The following DPP10 variants were observed in gnomAD, a reference collection of about 807,000 sequenced individuals.
DPP10 encodes the protein inactive dipeptidyl peptidase 10.
DPP10 carries 33 observed loss-of-function variants against 120.9 expected under a neutral mutation model. The observed-to-expected ratio is 0.27, with a 90% CI of 0.21 to 0.37. The LOEUF is 0.37. DPP10 is among the 10% of genes least tolerant of loss of function. The pLI, the probability that DPP10 is intolerant of heterozygous loss-of-function variation, is 1.00. For synonymous variants in DPP10, 337 were observed against 326.1 expected, an observed-to-expected ratio of 1.03 and a Z score of -0.36; for missense variants, 816 against 942.8, an observed-to-expected ratio of 0.87 and a Z score of 1.76.
intron 1 of DPP10, among the ~76,000 whole-genome samples, chr2:114,557,167 T>C (rs1459114883): frequency 1.3e-5 from 2 of 152,112 alleles, no homozygotes; most frequent in Non-Finnish European, 2.9e-5. Context: ...TTCTCTCTAG[T>C]AGTAGTCCCT....
chr2:115,707,174 C>T (rs1455828180), intron 7 of DPP10, among the ~76,000 whole-genome samples: 1 of 151,758 alleles, frequency 6.6e-6, no homozygotes, highest in Non-Finnish European at 1.5e-5. Context: ...CAACATTTCT[C>T]TTACAGTAAA....
At chr2:115,510,234 A>G (rs556594530) in intron 4 of DPP10, among the ~76,000 whole-genome samples, 2 of 152,174 alleles carry the variant, frequency 1.3e-5, no homozygotes, top group South Asian at 4.1e-4. Flanking sequence ...TTTTCTATAC[A>G]TTGTTAATTT....
chr2:114,477,981 A>G (rs935264624), intron 1 of DPP10, among the ~76,000 whole-genome samples: 2 of 151,372 alleles, frequency 1.3e-5, no homozygotes, highest in Non-Finnish European at 2.9e-5. Flanking sequence ...ATGTGTATAT[A>G]TGTACATATA....
chr2:115,704,415 CACTA>C (rs1389548960), intron 7 of DPP10, among the ~76,000 whole-genome samples: 2 of 151,766 alleles, frequency 1.3e-5, no homozygotes, highest in Non-Finnish European at 2.9e-5. Flanking sequence ...TATCTTCTAC[CACTA>C]ACTGAGGGGG....
intron 3 of DPP10, among the ~76,000 whole-genome samples, chr2:115,401,910 C>T (rs954054135): frequency 6.6e-6 from 1 of 151,634 alleles, no homozygotes; most frequent in Non-Finnish European, 1.5e-5. Flanking sequence ...AAAAAAAATT[C>T]AAAACATCTA....
intron 1 of DPP10, among the ~76,000 whole-genome samples, chr2:114,529,449 A>G (rs1685775248): frequency 1.3e-5 from 2 of 152,106 alleles, no homozygotes; most frequent in African/African-American, 4.8e-5. Flanking sequence ...AAATAGCTCT[A>G]ATGTGGCCCA....
intron 1 of DPP10, among the ~76,000 whole-genome samples, chr2:115,141,703 A>G (rs2050935391): frequency 6.6e-6 from 1 of 152,226 alleles, no homozygotes; most frequent in South Asian, 2.1e-4. Flanking sequence ...TCTTATATAC[A>G]GGTGTATTCT....
chr2:115,461,457 A>G (rs772835128), intron 3 of DPP10, among the ~76,000 whole-genome samples: 7 of 152,210 alleles, frequency 4.6e-5, no homozygotes, highest in Non-Finnish European at 8.8e-5. Flanking sequence ...TTCATACAAC[A>G]TGGTGACTAT....
chr2:115,413,554 A>G (rs971505492), intron 3 of DPP10, among the ~76,000 whole-genome samples: 10 of 152,140 alleles, frequency 6.6e-5, no homozygotes, highest in African/African-American at 1.9e-4. Context: ...CATCAGGATA[A>G]TATGTTCAAA....
In DPP10 at chr2:115,781,890, A is replaced by G. The variant is rs185952866; in HGVS notation, c.1484-462A>G. On this transcript the variant is annotated intron_variant, in intron 16 of 25. Coordinates refer to ENST00000410059, the MANE Select transcript of DPP10 (RefSeq NM_020868.6). ...GGTTAACGTATTTTTAAATTAATAT[A>G]TAGTTACCACCCAATTTTAAACTTT... Among the ~76,000 whole-genome samples, 14 of 152,166 alleles carry G rather than the reference A, an allele frequency of 9.2e-5. No homozygotes were observed. The East Asian group carries it at 2.5e-3, about 27-fold the overall frequency.
intron 3 of DPP10, among the ~76,000 whole-genome samples, chr2:115,415,093 C>T (rs1291122035): frequency 1.3e-5 from 2 of 152,122 alleles, no homozygotes; most frequent in Non-Finnish European, 2.9e-5. Context: ...AACTGTGATC[C>T]TATTGTGATT....
intron 1 of DPP10, among the ~76,000 whole-genome samples, chr2:115,075,889 A>G (rs2104465289): frequency 6.6e-6 from 1 of 152,290 alleles, no homozygotes; most frequent in East Asian, 1.9e-4. Context: ...TGTACCCTTC[A>G]GGTTCAAAAG....
intron 17 of DPP10, among the ~76,000 whole-genome samples, chr2:115,788,446 A>G (rs1316860441): frequency 6.6e-6 from 1 of 152,218 alleles, no homozygotes; most frequent in Non-Finnish European, 1.5e-5. Context: ...AGTAGAGAAA[A>G]TGTATGAAAC....
intron 1 of DPP10, among the ~76,000 whole-genome samples, chr2:114,960,121 A>G (rs962878224): frequency 6.6e-6 from 1 of 152,120 alleles, no homozygotes; most frequent in African/African-American, 2.4e-5. Context: ...TGATACTACT[A>G]TTTGAAGATT....
rs148642423 is a variant in DPP10 at position 115,068,098 on chromosome 2, G to A, written c.61-241141G>A. On this transcript the variant is annotated intron_variant, in intron 1 of 25. Transcript: ENST00000410059. ...TGAATGTATACACAATATTGGGATTGCTGGATTATATGATAATTATTTTTA... is the reference window on the plus strand; with the variant it reads ...TGAATGTATACACAATATTGGGATTACTGGATTATATGATAATTATTTTTA... 2.8e-3 allele frequency among the ~76,000 whole-genome samples: 432 copies of A among 151,938 alleles called. 3 individuals carry two copies. Among genetic ancestry groups the A allele is most frequent in the African/African-American group, 9.8e-3 (408 of 41,454 alleles).
intron 5 of DPP10, among the ~76,000 whole-genome samples, chr2:115,552,459 T>C (rs542072833): frequency 6.6e-6 from 1 of 152,086 alleles, no homozygotes; most frequent in South Asian, 2.1e-4. Flanking sequence ...GGAATTATTA[T>C]CAAACCAATC....
intron 1 of DPP10, among the ~76,000 whole-genome samples, chr2:114,458,421 T>G (rs1012766487): frequency 6.6e-6 from 1 of 152,200 alleles, no homozygotes; most frequent in South Asian, 2.1e-4. Context: ...GAGACTGATT[T>G]TTTTTTAAAT....
intron 1 of DPP10, among the ~76,000 whole-genome samples, chr2:114,761,324 T>C (rs1179049073): frequency 2.6e-5 from 4 of 152,160 alleles, no homozygotes; most frequent in African/African-American, 9.7e-5. Flanking sequence ...TCTCCCTGGA[T>C]CTCATATGTT....
intron 1 of DPP10, among the ~76,000 whole-genome samples, chr2:115,087,438 C>G (rs936494974): frequency 6.6e-5 from 10 of 152,080 alleles, no homozygotes; most frequent in Non-Finnish European, 1.5e-4. Context: ...TGACTGAAAC[C>G]ACAGATTGCT....
Sources: allele counts gnomAD v4.1 joint callset (sites outside exome capture counted in the v4.1 genomes callset), GRCh38; gene constraint gnomAD v4.1.1; transcripts MANE v1.5; gene names NCBI Gene and HGNC (gene_info 2026-07-23, HGNC 2026-07-21).